The following CLOCK variants were observed in gnomAD, a reference collection of about 807,000 sequenced individuals.
CLOCK encodes the protein circadian locomoter output cycles protein kaput.
A neutral mutation model predicts 118.4 loss-of-function variants in CLOCK; 43 were observed. The observed-to-expected ratio is 0.36, with a 90% CI of 0.28 to 0.47. The LOEUF (loss-of-function observed/expected upper bound fraction) is 0.47. CLOCK is among the 20% of genes least tolerant of loss of function. The probability of loss-of-function intolerance (pLI) is 1.00; values close to 1 mark genes in which losing one functional copy is unlikely to be tolerated. For missense variants in CLOCK, 846 were observed against 999.9 expected (o/e 0.85, Z 2.08); for synonymous variants, 326 against 339.2 (o/e 0.96, Z 0.43).
Position 55,444,834 on chromosome 4 carries a change from C to G in CLOCK, c.1540-49G>C, listed in dbSNP as rs775521266. On this transcript the variant is annotated intron_variant, in intron 18 of 22. Transcript: ENST00000513440. Reference sequence around the variant, plus strand: ...GTGTAATATATTTTAGAATTACTTACTCCTTATAATTGCACAACATGAAAA... The same window carrying G: ...GTGTAATATATTTTAGAATTACTTAGTCCTTATAATTGCACAACATGAAAA... The G allele has an allele frequency of 1.9e-6, 3 of 1,570,612 alleles. No homozygotes were observed. In the East Asian group the frequency reaches 6.9e-5, roughly 36 times the overall value.
Position 55,430,923 on chromosome 4 carries a change from T to C in CLOCK, c.*4492A>G, listed in dbSNP as rs2109593048. The stretch of plus-strand genomic sequence containing the variant: ...GACTCCACCACATTCAAAACAAAAA[T>C]CAAAGTTCATTTGGCTATCTTGAAA... On this transcript the variant is annotated 3_prime_UTR_variant, in exon 23 of 23. Transcript: ENST00000513440. 6.6e-6 allele frequency: 1 copy of C among 152,260 alleles called. No individual in the cohort carries two copies. The highest frequency in any genetic ancestry group is 1.9e-4 in the East Asian group (1 of 5,180). 9.4% of individuals were successfully genotyped at this position (152,260 alleles called of 1,614,324 possible).
chr4:55,541,180 G>T (rs7698022), intron 1 of CLOCK, among the ~76,000 whole-genome samples: 114,679 of 152,118 alleles, frequency 0.75, 43,548 homozygotes, highest in East Asian at 0.9. Flanking sequence ...CAGGAATCTC[G>T]GTATCCACCT....
At chr4:55,510,202 A>G (rs1560467233) in intron 1 of CLOCK, 137 bp from the exon 2 acceptor site, 1 of 152,250 alleles carries the variant, frequency 6.6e-6, no homozygotes, top group Non-Finnish European at 1.5e-5. Flanking sequence ...GAATGTGTCA[A>G]TAAATAGATC....
At chr4:55,498,332 A>G (rs1051592929) in intron 2 of CLOCK, among the ~76,000 whole-genome samples, 16 of 152,194 alleles carry the variant, frequency 1.1e-4, no homozygotes, top group African/African-American at 3.9e-4. Context: ...GTAGCCAAGT[A>G]GGCCCGGCAA....
At chr4:55,496,835 T>G (rs1264633271) in intron 2 of CLOCK, among the ~76,000 whole-genome samples, 1 of 152,184 alleles carries the variant, frequency 6.6e-6, no homozygotes, top group East Asian at 1.9e-4. Flanking sequence ...AATAAAGACC[T>G]CTACGTAAAA....
intron 2 of CLOCK, among the ~76,000 whole-genome samples, chr4:55,507,852 G>A (rs968288592): frequency 5.3e-5 from 8 of 152,100 alleles, no homozygotes; most frequent in African/African-American, 1.9e-4. Flanking sequence ...GTGGAGTTGA[G>A]AAATCCAGTG....
intron 3 of CLOCK, among the ~76,000 whole-genome samples, chr4:55,483,669 A>C (rs180732754): frequency 2.0e-5 from 3 of 152,234 alleles, no homozygotes; most frequent in Non-Finnish European, 4.4e-5. Flanking sequence ...AGACAAAAGA[A>C]TATCGTATTT....
At chr4:55,460,314 C>T (rs1725239433) in intron 9 of CLOCK, among the ~76,000 whole-genome samples, 1 of 152,210 alleles carries the variant, frequency 6.6e-6, no homozygotes, top group South Asian at 2.1e-4. Flanking sequence ...TCCTAAATCT[C>T]TCTCTCCAAC....
chr4:55,476,110 G>C (rs540829858), intron 6 of CLOCK, 56 bp from the exon 7 acceptor site: 3 of 1,117,862 alleles, frequency 2.7e-6, no homozygotes, highest in African/African-American at 3.1e-5. Context: ...GAGTACAAAA[G>C]CCCTACAAGT....
intron 3 of CLOCK, among the ~76,000 whole-genome samples, chr4:55,487,716 G>A (rs1452161748): frequency 6.6e-6 from 1 of 152,124 alleles, no homozygotes; most frequent in African/African-American, 2.4e-5. Flanking sequence ...TCCTGTTTTA[G>A]TTCCACCATC....
intron 3 of CLOCK, among the ~76,000 whole-genome samples, chr4:55,488,562 T>C (rs1040106677): frequency 7.2e-5 from 11 of 152,252 alleles, no homozygotes; most frequent in African/African-American, 2.4e-4. Context: ...ATGCTCTTTA[T>C]GTTCCTCAAA....
chr4:55,449,615 C>G (rs1724245061), intron 16 of CLOCK, 119 bp from the exon 17 acceptor site: 1 of 845,002 alleles, frequency 1.2e-6, no homozygotes, highest in African/African-American at 1.7e-5. Context: ...CCAAACCATT[C>G]AATGAAAGTG....
intron 8 of CLOCK, 108 bp from the exon 9 acceptor site, chr4:55,463,913 T>A: frequency 8.8e-7 from 1 of 1,132,860 alleles, no homozygotes; most frequent in Non-Finnish European, 1.2e-6. Flanking sequence ...CAATTATCTG[T>A]GAAAACCAAC....
intron 1 of CLOCK, among the ~76,000 whole-genome samples, chr4:55,517,409 C>T (rs1201660055): frequency 6.6e-6 from 1 of 152,154 alleles, no homozygotes; most frequent in Non-Finnish European, 1.5e-5. Flanking sequence ...ACTCAGGAGG[C>T]TGAGGCAGGA....
intron 21 of CLOCK, among the ~76,000 whole-genome samples, chr4:55,441,965 C>T (rs1202446774): frequency 6.6e-6 from 1 of 152,178 alleles, no homozygotes; most frequent in East Asian, 1.9e-4. Context: ...TGAAAACTCA[C>T]TTTTTTCTTA....
intron 1 of CLOCK, among the ~76,000 whole-genome samples, chr4:55,518,628 G>C (rs1285099256): frequency 6.6e-6 from 1 of 152,090 alleles, no homozygotes; most frequent in Non-Finnish European, 1.5e-5. Flanking sequence ...TCATCAATGA[G>C]ATCAGTGCCC....
intron 1 of CLOCK, among the ~76,000 whole-genome samples, chr4:55,539,060 C>G (rs1345020892): frequency 1.3e-5 from 2 of 151,920 alleles, no homozygotes; most frequent in African/African-American, 4.8e-5. Flanking sequence ...TGGCAAAATC[C>G]TATCTCTACT....
intron 2 of CLOCK, among the ~76,000 whole-genome samples, chr4:55,507,233 T>C (rs1015340767): frequency 1.3e-5 from 2 of 152,106 alleles, no homozygotes; most frequent in Non-Finnish European, 2.9e-5. Context: ...GACGATCGCT[T>C]GAGCCTGGGA....
chr4:55,514,500 T>TCC (rs34028624), intron 1 of CLOCK, among the ~76,000 whole-genome samples: 1,720 of 147,470 alleles, frequency 0.012, 20 homozygotes, highest in African/African-American at 0.029. Context: ...AACATTTTTA[T>TCC]CCCCCCCCCA....
Sources: gnomAD v4.1 joint callset for allele counts (sites outside exome capture counted in the v4.1 genomes callset) on GRCh38, gnomAD v4.1.1 for gene constraint, MANE v1.5 for transcripts, NCBI Gene and HGNC (gene_info 2026-07-23, HGNC 2026-07-21) for gene names.